STAB2: variants seen among roughly 807,000 people sequenced by gnomAD.
STAB2 encodes the protein stabilin-2.
STAB2 carries 288 observed loss-of-function variants against 338.1 expected under a neutral mutation model. That is an observed-to-expected ratio of 0.85 (90% CI 0.77 to 0.94). STAB2 has a LOEUF of 0.94. Ranked by LOEUF, STAB2 falls within the 40% of genes least tolerant of loss-of-function variation. STAB2 has a pLI of 0.00. For synonymous variants in STAB2, 1,202 were observed against 1,193.3 expected, an observed-to-expected ratio of 1.01 and a Z score of -0.15; for missense variants, 3,141 against 3,210.1, an observed-to-expected ratio of 0.98 and a Z score of 0.52.
intron 33 of STAB2, among the ~76,000 whole-genome samples, chr12:103,698,709 G>A (rs1878606603): frequency 1.3e-5 from 2 of 152,160 alleles, no homozygotes; most frequent in South Asian, 4.1e-4. Flanking sequence ...CACAGATCAA[G>A]GTCCTTGGAG....
chr12:103,718,868 G>T (rs1285344794), intron 44 of STAB2, among the ~76,000 whole-genome samples: 1 of 152,156 alleles, frequency 6.6e-6, no homozygotes, highest in Non-Finnish European at 1.5e-5. Context: ...TCCTTGGATG[G>T]TTATAAGTGT....
chr12:103,662,639 G>T (rs1412468719), intron 17 of STAB2, among the ~76,000 whole-genome samples: 2 of 152,186 alleles, frequency 1.3e-5, no homozygotes, highest in Non-Finnish European at 2.9e-5. Context: ...GGGCATCCTT[G>T]CCTGGTGTTA....
chr12:103,676,046 C>G (rs1312837041), intron 24 of STAB2, 25 bp downstream of exon 24: 1 of 1,469,032 alleles, frequency 6.8e-7, no homozygotes, highest in Non-Finnish European at 9.3e-7. Flanking sequence ...TCATTTCCAC[C>G]CTGCCTGGTT....
At chr12:103,746,506 T>C in intron 57 of STAB2, 91 bp from the exon 58 acceptor site, 1 of 1,188,796 alleles carries the variant, frequency 8.4e-7, no homozygotes, top group Non-Finnish European at 1.2e-6. Context: ...AACACAGTGG[T>C]CGTCCAGAGA....
At chr12:103,624,304 G>T (rs1196929768) in intron 5 of STAB2, among the ~76,000 whole-genome samples, 2 of 152,186 alleles carry the variant, frequency 1.3e-5, no homozygotes, top group Non-Finnish European at 2.9e-5. Context: ...ATGAGTGAGT[G>T]AGTATATGAC....
chr12:103,679,930 G>A (rs1876744795), intron 25 of STAB2, among the ~76,000 whole-genome samples: 1 of 152,186 alleles, frequency 6.6e-6, no homozygotes, highest in African/African-American at 2.4e-5. Flanking sequence ...GTATACAATG[G>A]AATAGCAATC....
At chr12:103,707,746 A>G (rs778206670) in intron 38 of STAB2, among the ~76,000 whole-genome samples, 1 of 152,230 alleles carries the variant, frequency 6.6e-6, no homozygotes, top group Non-Finnish European at 1.5e-5. Flanking sequence ...TCACTTGGCT[A>G]TCACTGTTTT....
chr12:103,637,465 C>G (rs1957566788), intron 7 of STAB2, among the ~76,000 whole-genome samples: 1 of 152,186 alleles, frequency 6.6e-6, no homozygotes. Context: ...TCACCTTAAT[C>G]AATGTTAGAA....
chr12:103,689,216 C>G (rs1344336051), intron 28 of STAB2, among the ~76,000 whole-genome samples: 1 of 152,208 alleles, frequency 6.6e-6, no homozygotes, highest in African/African-American at 2.4e-5. Context: ...GGCGCAGTGG[C>G]TCATGCCTGT....
chr12:103,659,524 G>A (rs1874441774), intron 15 of STAB2, among the ~76,000 whole-genome samples: 1 of 152,248 alleles, frequency 6.6e-6, no homozygotes, highest in Non-Finnish European at 1.5e-5. Flanking sequence ...CAGAACTTGA[G>A]GGCTGTGAAG....
chr12:103,680,972 C>T (rs1428409873), intron 25 of STAB2, among the ~76,000 whole-genome samples: 1 of 152,240 alleles, frequency 6.6e-6, no homozygotes, highest in Non-Finnish European at 1.5e-5. Context: ...GGGCCCTCAG[C>T]CAGACTTGAA....
chr12:103,764,648 ATAT>A (rs1884782709), intron 68 of STAB2, among the ~76,000 whole-genome samples: 1 of 151,476 alleles, frequency 6.6e-6, no homozygotes. Context: ...AGTGTAACAG[ATAT>A]TATTTTTCCA....
intron 52 of STAB2, 136 bp downstream of exon 52, chr12:103,735,716 C>A: frequency 1.4e-6 from 1 of 700,752 alleles, no homozygotes; most frequent in Non-Finnish European, 2.3e-6. Flanking sequence ...TTCTCACTAC[C>A]TTCAGAGGTA....
chr12:103,718,422 C>G (rs1880501935), intron 44 of STAB2, among the ~76,000 whole-genome samples: 2 of 152,174 alleles, frequency 1.3e-5, no homozygotes, highest in Non-Finnish European at 2.9e-5. Flanking sequence ...TCTAGATGCT[C>G]TGCATTGAGC....
intron 3 of STAB2, among the ~76,000 whole-genome samples, chr12:103,608,521 A>G (rs1486396161): frequency 1.3e-5 from 2 of 151,926 alleles, no homozygotes; most frequent in African/African-American, 2.4e-5. Context: ...TCCTTTGTCC[A>G]CTTGTTGATG....
intron 20 of STAB2, 83 bp downstream of exon 20, chr12:103,668,812 C>T (rs778108028): frequency 2.9e-5 from 38 of 1,301,032 alleles, no homozygotes; most frequent in African/African-American, 1.9e-4. Context: ...CTAGGGTCCA[C>T]GTGGTCACAG....
At position 103,622,227 on chromosome 12, in the gene STAB2, C is replaced by A; in HGVS notation, c.487+116C>A. 4 of 1,050,440 alleles carry A rather than the reference C, an allele frequency of 3.8e-6. No homozygotes were observed. The South Asian group carries it at 4.9e-5, about 13-fold the overall frequency. 65.1% of individuals were successfully genotyped at this position (1,050,440 alleles called of 1,614,324 possible). A position where few individuals can be genotyped will look rare whatever the true frequency, so the allele number is the denominator to read the frequency against. On this transcript the variant is annotated intron_variant, in intron 5 of 68. Coordinates refer to ENST00000388887, the MANE Select transcript of STAB2 (RefSeq NM_017564.10). ...ATGTGTGATAAAAAAGAAATTTCAG[C>A]AGAATTAAATTTAAAGGAGTTTAAT... is the stretch of plus-strand genomic sequence containing the variant.
At chr12:103,665,232 T>C (rs4248849) in intron 18 of STAB2, among the ~76,000 whole-genome samples, 52,372 of 152,004 alleles carry the variant, frequency 0.34, 9,717 homozygotes, top group East Asian at 0.47. Context: ...TAGCAAAGAG[T>C]AGAAGCAGCT....
At chr12:103,656,774 C>T (rs1460733593) in intron 15 of STAB2, among the ~76,000 whole-genome samples, 6 of 149,908 alleles carry the variant, frequency 4.0e-5, no homozygotes. Flanking sequence ...GCAAGCTCCG[C>T]TTCCCGGGTT....
Sources: allele counts gnomAD v4.1 joint callset (sites outside exome capture counted in the v4.1 genomes callset), GRCh38; gene constraint gnomAD v4.1.1; transcripts MANE v1.5; gene names NCBI Gene and HGNC (gene_info 2026-07-23, HGNC 2026-07-21).